Variants in CTNNA3 observed in about 807,000 individuals in gnomAD.
The protein encoded by CTNNA3 is catenin alpha 3.
In CTNNA3, 76 loss-of-function variants were observed where a neutral mutation model predicts 95.7. That is an observed-to-expected ratio of 0.79 (90% CI 0.66 to 0.96). The LOEUF is 0.96. CTNNA3 is among the 40% of genes least tolerant of loss of function. The probability of loss-of-function intolerance (pLI) is 0.00; values close to 1 mark genes in which losing one functional copy is unlikely to be tolerated. For synonymous variants in CTNNA3, 431 were observed against 374.4 expected, an observed-to-expected ratio of 1.15 and a Z score of -1.74; for missense variants, 1,191 against 1,089.8, an observed-to-expected ratio of 1.09 and a Z score of -1.31.
chr10:66,089,187 T>TA (rs1375759673), intron 14 of CTNNA3, among the ~76,000 whole-genome samples: 1 of 151,964 alleles, frequency 6.6e-6, no homozygotes, highest in African/African-American at 2.4e-5. Flanking sequence ...TACTCCTTTT[T>TA]ATCTAGTACA....
chr10:67,191,577 A>C (rs1863120783), intron 6 of CTNNA3, among the ~76,000 whole-genome samples: 1 of 151,928 alleles, frequency 6.6e-6, no homozygotes, highest in African/African-American at 2.4e-5. Context: ...TAAAAATTAC[A>C]AGGCATTGAT....
rs1189219187 is a variant in CTNNA3, at chr10:67,740,997, A to T, written c.-2+22437T>A. 2.3e-4 allele frequency among the ~76,000 whole-genome samples: 35 copies of T among 151,348 alleles called. 1 individual carries two copies. Among genetic ancestry groups the T allele is most frequent in the Non-Finnish European group, 4.1e-4 (28 of 67,758 alleles). On this transcript the variant is annotated intron_variant, in intron 1 of 17. Coordinates refer to the CTNNA3 transcript ENST00000684154. ...TGCAGCCATAAAAAATGATGAGTTC[A>T]TGTCCTTTGTAGGGACATGGATGAA...
At chr10:65,981,555 AAAG>A (rs987592419) in intron 16 of CTNNA3, among the ~76,000 whole-genome samples, 59 of 152,036 alleles carry the variant, frequency 3.9e-4, no homozygotes, top group African/African-American at 1.3e-3. Context: ...TACTAAGCAA[AAAG>A]AAGAAATCTG....
At chr10:67,242,991 C>A (rs1200578962) in intron 5 of CTNNA3, among the ~76,000 whole-genome samples, 1 of 152,134 alleles carries the variant, frequency 6.6e-6, no homozygotes, top group Non-Finnish European at 1.5e-5. Flanking sequence ...TATTTGATGT[C>A]TCTCCATGCA....
chr10:66,641,058 G>T (rs1284101504), intron 9 of CTNNA3, among the ~76,000 whole-genome samples: 2 of 152,060 alleles, frequency 1.3e-5, no homozygotes, highest in African/African-American at 4.8e-5. Flanking sequence ...ACTCTATCTA[G>T]AAGTATATGT....
At chr10:66,743,025 A>G (rs1849378978) in intron 9 of CTNNA3, among the ~76,000 whole-genome samples, 1 of 152,182 alleles carries the variant, frequency 6.6e-6, no homozygotes, top group Non-Finnish European at 1.5e-5. Context: ...ATTGATATGG[A>G]GTAAAGTGGT....
chr10:66,858,682 G>A (rs1268921464), intron 7 of CTNNA3, among the ~76,000 whole-genome samples: 2 of 151,914 alleles, frequency 1.3e-5, no homozygotes, highest in Non-Finnish European at 2.9e-5. Context: ...TTTCTAGCTT[G>A]TGTTCATAGA....
intron 5 of CTNNA3, among the ~76,000 whole-genome samples, chr10:67,473,413 A>G (rs937919972): frequency 1.3e-5 from 2 of 152,234 alleles, no homozygotes; most frequent in Non-Finnish European, 1.5e-5. Flanking sequence ...AAAAAAATCC[A>G]TAACATTTGT....
chr10:66,814,811 G>A (rs1842012065), intron 7 of CTNNA3, among the ~76,000 whole-genome samples: 1 of 148,710 alleles, frequency 6.7e-6, no homozygotes. Flanking sequence ...AAAATCTGAA[G>A]CAAATATTTG....
At chr10:66,985,799 G>A (rs969879768) in intron 7 of CTNNA3, among the ~76,000 whole-genome samples, 1 of 151,998 alleles carries the variant, frequency 6.6e-6, no homozygotes, top group African/African-American at 2.4e-5. Flanking sequence ...ATGATCTCAG[G>A]TCACTGCAAT....
At chr10:66,247,184 C>T (rs1156495782) in intron 13 of CTNNA3, among the ~76,000 whole-genome samples, 1 of 152,012 alleles carries the variant, frequency 6.6e-6, no homozygotes, top group Non-Finnish European at 1.5e-5. Flanking sequence ...CCTCCAAAGG[C>T]CAAATCTAAG....
At chr10:65,990,897 T>C (rs994322656) in intron 15 of CTNNA3, among the ~76,000 whole-genome samples, 2 of 152,050 alleles carry the variant, frequency 1.3e-5, no homozygotes, top group African/African-American at 2.4e-5. Context: ...TAATTTTGGA[T>C]CTTACATTTA....
At chr10:66,162,929 T>C (rs921347527) in intron 13 of CTNNA3, among the ~76,000 whole-genome samples, 2 of 151,548 alleles carry the variant, frequency 1.3e-5, no homozygotes, top group Admixed American at 1.3e-4. Context: ...GTCACTGGAG[T>C]TGTGTACCTA....
rs1186277974 is a variant in CTNNA3, at chr10:65,988,725, C to T, written c.2232G>A (p.Arg744=). 6.2e-7 allele frequency: 1 copy of T among 1,613,944 alleles called. No individual in the cohort carries two copies. The highest frequency in any genetic ancestry group is 1.3e-5 in the African/African-American group (1 of 75,002). Residue 744 remains arginine, a synonymous_variant, in exon 16 of 18, where the codon AGG becomes AGA. Coordinates refer to ENST00000433211, the MANE Select transcript of CTNNA3 (RefSeq NM_013266.4). Reference sequence around the variant, plus strand: ...CAATCTGCCGAGCAAGGACATCCATCCTTGATCCTGATTCTGATATCATTT... The same window carrying T: ...CAATCTGCCGAGCAAGGACATCCATTCTTGATCCTGATTCTGATATCATTT... ...AAKMISESGS[R]MDVLARQIAN...
intron 2 of CTNNA3, among the ~76,000 whole-genome samples, chr10:67,617,916 C>T (rs1006230050): frequency 4.6e-5 from 7 of 151,790 alleles, no homozygotes; most frequent in African/African-American, 1.7e-4. Flanking sequence ...TTATACAGAA[C>T]AAAAATTCAG....
chr10:66,318,957 A>G (rs1379439616), intron 12 of CTNNA3, among the ~76,000 whole-genome samples: 1 of 151,872 alleles, frequency 6.6e-6, no homozygotes, highest in Non-Finnish European at 1.5e-5. Context: ...TTACTTTAAG[A>G]GCACTCGTTC....
At position 67,579,410 on chromosome 10, in the gene CTNNA3, T is replaced by C. The variant is rs1324147999; in HGVS notation, c.292+27447A>G. Among the ~76,000 whole-genome samples, 4 of 152,146 alleles carry C rather than the reference T, an allele frequency of 2.6e-5. No individual in the cohort carries two copies. In the South Asian group the frequency reaches 8.3e-4, roughly 32 times the overall value. On this transcript the variant is annotated intron_variant, in intron 3 of 17. Transcript: ENST00000433211. ...ATCCTTTTTTATGGCTGCATACTAT[T>C]CCATGGGGTATATGTGCCACATTTT... is the stretch of plus-strand genomic sequence containing the variant.
chr10:66,105,909 CA>C (rs2081880694), intron 13 of CTNNA3, among the ~76,000 whole-genome samples: 1 of 152,124 alleles, frequency 6.6e-6, no homozygotes, highest in Admixed American at 6.6e-5. Flanking sequence ...GAGGGCAATA[CA>C]TTAACTCCTT....
At chr10:67,675,547 G>T (rs1840519895) in intron 1 of CTNNA3, among the ~76,000 whole-genome samples, 1 of 152,186 alleles carries the variant, frequency 6.6e-6, no homozygotes, top group South Asian at 2.1e-4. Context: ...AAGGCTCAAA[G>T]TTGGCACTCT....
Sources: gnomAD v4.1 joint callset for allele counts (sites outside exome capture counted in the v4.1 genomes callset) on GRCh38, gnomAD v4.1.1 for gene constraint, MANE v1.5 for transcripts, NCBI Gene and HGNC (gene_info 2026-07-23, HGNC 2026-07-21) for gene names.